PDS5A: variants seen among roughly 807,000 people sequenced by gnomAD.
The protein encoded by PDS5A is sister chromatid cohesion protein PDS5 homolog A.
PDS5A carries 42 observed loss-of-function variants against 167.1 expected under a neutral mutation model. That is an observed-to-expected ratio of 0.25 (90% CI 0.20 to 0.33). PDS5A has a LOEUF of 0.33. PDS5A is among the 10% of genes least tolerant of loss of function. The pLI is 1.00. For missense variants in PDS5A, 1,033 were observed against 1,605.9 expected (o/e 0.64, Z 6.10); for synonymous variants, 553 against 554.6 (o/e 1.00, Z 0.04).
rs1478539709 is a variant in PDS5A at position 39,929,518 on chromosome 4, A to ACT, written c.139-1356_139-1355dup. On this transcript the variant is annotated intron_variant, in intron 2 of 32. Transcript: ENST00000303538. ...GGCCTTGTGAGTTAATACTTAATAA[A>ACT]CTATATATATATATATATATATATA... Among the ~76,000 whole-genome samples the ACT allele has an allele frequency of 9.7e-3, 220 of 22,742 alleles. 3 individuals are homozygous for ACT. The highest frequency in any genetic ancestry group is 0.016 in the African/African-American group (64 of 4,098). The allele number at this position is 22,742 out of a possible 152,430, so 14.9% of individuals were successfully genotyped here.
At chr4:39,905,131 T>C (rs1390028384) in intron 11 of PDS5A, among the ~76,000 whole-genome samples, 1 of 152,106 alleles carries the variant, frequency 6.6e-6, no homozygotes, top group Non-Finnish European at 1.5e-5. Flanking sequence ...AAAATCCTAG[T>C]AAATCTAAAA....
chr4:39,966,684 A>G (rs1038635669), intron 2 of PDS5A, among the ~76,000 whole-genome samples: 9 of 152,288 alleles, frequency 5.9e-5, no homozygotes, highest in Admixed American at 3.9e-4. Flanking sequence ...GAGATCAGAT[A>G]GTTAAGAGAG....
intron 31 of PDS5A, among the ~76,000 whole-genome samples, chr4:39,839,194 A>G (rs1716718808): frequency 6.6e-6 from 1 of 152,120 alleles, no homozygotes; most frequent in Non-Finnish European, 1.5e-5. Context: ...TGATAATAAG[A>G]GGTAACTTGT....
At chr4:39,863,896 C>T (rs1209504631) in intron 23 of PDS5A, among the ~76,000 whole-genome samples, 6 of 152,086 alleles carry the variant, frequency 3.9e-5, no homozygotes, top group Admixed American at 2.6e-4. Flanking sequence ...ATTGGGAGGC[C>T]GAGGTGGACG....
intron 11 of PDS5A, among the ~76,000 whole-genome samples, chr4:39,907,948 A>G (rs1723541996): frequency 6.6e-6 from 1 of 152,162 alleles, no homozygotes. Flanking sequence ...ACATATAACC[A>G]TCATTATTGT....
At chr4:39,920,297 A>G in intron 7 of PDS5A, 22 bp downstream of exon 7, 1 of 1,026,312 alleles carries the variant, frequency 9.7e-7, no homozygotes, top group South Asian at 1.5e-5. Context: ...AATATAGAAT[A>G]AACATAGAAA....
intron 13 of PDS5A, 117 bp downstream of exon 13, chr4:39,902,230 G>A (rs1722943976): frequency 1.8e-6 from 1 of 550,970 alleles, no homozygotes; most frequent in African/African-American, 1.9e-5. Flanking sequence ...TTTACCTGAG[G>A]TTCTTGATTC....
intron 8 of PDS5A, among the ~76,000 whole-genome samples, chr4:39,915,343 ATT>A (rs3070904): frequency 0.014 from 1,261 of 88,726 alleles, 22 homozygotes; most frequent in African/African-American, 0.047. Context: ...AACCGGCCTG[ATT>A]TTTTTTTTTT....
At chr4:39,844,182 A>G (rs1247438065) in intron 30 of PDS5A, among the ~76,000 whole-genome samples, 2 of 151,792 alleles carry the variant, frequency 1.3e-5, no homozygotes, top group East Asian at 3.9e-4. Context: ...TAAGAAAAAA[A>G]AGAAAATACT....
intron 5 of PDS5A, 50 bp downstream of exon 5, chr4:39,925,786 T>C (rs1285193630): frequency 2.9e-6 from 2 of 686,030 alleles, no homozygotes; most frequent in South Asian, 2.2e-5. Flanking sequence ...AACATCTGAA[T>C]ACATAATCAA....
At chr4:39,890,624 C>CT (rs547216501) in intron 16 of PDS5A, among the ~76,000 whole-genome samples, 115 of 146,744 alleles carry the variant, frequency 7.8e-4, no homozygotes, top group East Asian at 9.8e-4. Flanking sequence ...GATATAGCAA[C>CT]TTTTTTTTTT....
At chr4:39,963,680 A>G (rs892009797) in intron 2 of PDS5A, among the ~76,000 whole-genome samples, 1 of 151,988 alleles carries the variant, frequency 6.6e-6, no homozygotes, top group Non-Finnish European at 1.5e-5. Flanking sequence ...AAAACTATAA[A>G]AATTAGCCCA....
At chr4:39,920,489 T>C (rs1305709685) in intron 6 of PDS5A, 90 bp from the exon 7 acceptor site, 1 of 490,194 alleles carries the variant, frequency 2.0e-6, no homozygotes, top group East Asian at 3.5e-5. Flanking sequence ...AAATCTGTAA[T>C]AAAATATGAA....
chr4:39,922,874 G>T, intron 5 of PDS5A, 126 bp from the exon 6 acceptor site: 1 of 1,152,008 alleles, frequency 8.7e-7, no homozygotes, highest in Non-Finnish European at 1.1e-6. Context: ...TTTCACTTGA[G>T]GGACAGTGCC....
chr4:39,842,907 T>TATATATATATATATA (rs1560419555), intron 30 of PDS5A, among the ~76,000 whole-genome samples: 797 of 28,270 alleles, frequency 0.028, 26 homozygotes, highest in South Asian at 0.059. Flanking sequence ...CTTATCCTAT[T>TATATATATATATATA]TTTATATATA....
chr4:39,932,114 A>G (rs1726128964), intron 2 of PDS5A, among the ~76,000 whole-genome samples: 1 of 152,054 alleles, frequency 6.6e-6, no homozygotes, highest in African/African-American at 2.4e-5. Flanking sequence ...GTTGGTCTTC[A>G]ACTCCTGACC....
chr4:39,960,843 C>A (rs1729414510), intron 2 of PDS5A, among the ~76,000 whole-genome samples: 1 of 152,152 alleles, frequency 6.6e-6, no homozygotes, highest in South Asian at 2.1e-4. Flanking sequence ...GCACACGCCA[C>A]CAAGTCCAGC....
intron 2 of PDS5A, among the ~76,000 whole-genome samples, chr4:39,946,754 A>C (rs550368419): frequency 1.2e-4 from 18 of 152,028 alleles, no homozygotes; most frequent in African/African-American, 4.3e-4. Context: ...GTCTCTACTA[A>C]AAATACAAAA....
In PDS5A at chr4:39,926,796, A is replaced by G. The variant is rs376404493; in HGVS notation, c.408T>C (p.Asn136=). The change falls in exon 4 of 33, where the codon AAT becomes AAC. Residue 136 remains asparagine, a synonymous_variant. Transcript: ENST00000303538. ...GLEDTKSPQF[N]RYFYLLENLA... ...TTACCTCTAATAAATAAAAGTATCTATTAAACTGTGGACTCTTTGTATCCT... is the reference window on the plus strand; with the variant it reads ...TTACCTCTAATAAATAAAAGTATCTGTTAAACTGTGGACTCTTTGTATCCT... 24 of 1,421,372 alleles carry G rather than the reference A, an allele frequency of 1.7e-5. No individual in the cohort carries two copies. Among genetic ancestry groups the G allele is most frequent in the Non-Finnish European group, 1.9e-6 (2 of 1,078,282 alleles). The allele number at this position is 1,421,372 out of a possible 1,614,324, so 88.0% of individuals were successfully genotyped here.
Sources: allele counts gnomAD v4.1 joint callset (sites outside exome capture counted in the v4.1 genomes callset), GRCh38; gene constraint gnomAD v4.1.1; transcripts MANE v1.5; gene names NCBI Gene and HGNC (gene_info 2026-07-23, HGNC 2026-07-21).